The following PTPN3 variants were observed in gnomAD, a reference collection of about 807,000 sequenced individuals.
The protein encoded by PTPN3 is tyrosine-protein phosphatase non-receptor type 3.
Under a neutral mutation model 132.7 loss-of-function variants are expected in PTPN3, and 96 were observed. That is an observed-to-expected ratio of 0.72 (90% CI 0.61 to 0.86). The LOEUF (loss-of-function observed/expected upper bound fraction) is 0.86. Among genes scored for constraint, PTPN3 ranks in the 40% least tolerant of loss-of-function variants. PTPN3 has a pLI of 0.00. For missense variants in PTPN3, 1,125 were observed against 1,159.6 expected (o/e 0.97, Z 0.43); for synonymous variants, 398 against 429.0 (o/e 0.93, Z 0.89).
At chr9:109,463,769 T>A in intron 1 of PTPN3, among the ~76,000 whole-genome samples, 1 of 152,356 alleles carries the variant, frequency 6.6e-6, no homozygotes, top group South Asian at 2.1e-4. Context: ...GTATTTGTGT[T>A]CTACCTCTAA....
At chr9:109,497,843 C>T (rs1847743010) in intron 1 of PTPN3, among the ~76,000 whole-genome samples, 1 of 151,894 alleles carries the variant, frequency 6.6e-6, no homozygotes, top group South Asian at 2.1e-4. Flanking sequence ...GAGCCCCGAG[C>T]CGGGGTCGCG....
At chr9:109,380,518 A>C (rs1014414993) in intron 25 of PTPN3, among the ~76,000 whole-genome samples, 1 of 152,206 alleles carries the variant, frequency 6.6e-6, no homozygotes, top group Non-Finnish European at 1.5e-5. Flanking sequence ...AGCCTGCTGA[A>C]GTGCTGGGAT....
At chr9:109,492,849 A>C (rs1847522594) in intron 1 of PTPN3, among the ~76,000 whole-genome samples, 1 of 152,240 alleles carries the variant, frequency 6.6e-6, no homozygotes, top group Non-Finnish European at 1.5e-5. Flanking sequence ...ATCATGCAAC[A>C]ATCAGAGCTT....
Position 109,391,460 on chromosome 9 carries a change from C to A in PTPN3, c.2044+11G>T. 6.2e-7 allele frequency: 1 copy of A among 1,603,858 alleles called. No individual in the cohort carries two copies. Among genetic ancestry groups the A allele is most frequent in the East Asian group, 2.2e-5 (1 of 44,794 alleles). Reference sequence around the variant, plus strand: ...GTAGGGGGGAAGGAGGCATTCATGCCGGATACTCACAAGGCAGCACATCTT... The same window carrying A: ...GTAGGGGGGAAGGAGGCATTCATGCAGGATACTCACAAGGCAGCACATCTT... On this transcript the variant is annotated intron_variant, in intron 20 of 25. Coordinates refer to ENST00000374541, the MANE Select transcript of PTPN3 (RefSeq NM_002829.4).
rs558656963 is a variant in PTPN3 at position 109,472,016 on chromosome 9, G to C, written c.-17-8565C>G. ...ACAAGTCACCTCCCAGAGCTAAATA[G>C]AGTTTCTGTAGCTTGGCAGCTGTCC... On this transcript the variant is annotated intron_variant, in intron 1 of 25. Coordinates refer to ENST00000374541, the MANE Select transcript of PTPN3 (RefSeq NM_002829.4). Among the ~76,000 whole-genome samples, 6 of 152,328 alleles carry C rather than the reference G, an allele frequency of 3.9e-5. No individual in the cohort carries two copies. In the East Asian group the frequency reaches 1.2e-3, roughly 29 times the overall value.
intron 2 of PTPN3, among the ~76,000 whole-genome samples, chr9:109,460,486 C>T (rs1189170517): frequency 1.3e-5 from 2 of 152,126 alleles, no homozygotes; most frequent in Non-Finnish European, 2.9e-5. Flanking sequence ...TGCGATCCCC[C>T]ACCCCTTACC....
At chr9:109,491,933 C>G (rs1400186847) in intron 1 of PTPN3, among the ~76,000 whole-genome samples, 1 of 152,168 alleles carries the variant, frequency 6.6e-6, no homozygotes, top group Non-Finnish European at 1.5e-5. Context: ...AAGACTCCCC[C>G]GTCTGTGGAG....
chr9:109,450,410 A>T (rs1321160113), intron 5 of PTPN3: 1 of 984,582 alleles, frequency 1.0e-6, no homozygotes, highest in East Asian at 1.1e-4. Flanking sequence ...AGATAATCCA[A>T]TGGTGAACCC....
At chr9:109,517,221 C>T in the PTPN3 span, among the ~76,000 whole-genome samples, 1 of 152,114 alleles carries the variant, frequency 6.6e-6, no homozygotes, top group Non-Finnish European at 1.5e-5. Context: ...AAATCCCAAG[C>T]AAGGACCATT....
chr9:109,444,552 T>C (rs10979867), intron 7 of PTPN3, among the ~76,000 whole-genome samples: 51,470 of 151,994 alleles, frequency 0.34, 9,653 homozygotes, highest in African/African-American at 0.48. Context: ...AAATGTAAAA[T>C]ATCTTGCTAA....
At chr9:109,457,501 A>G in intron 2 of PTPN3, 102 bp from the exon 3 acceptor site, 1 of 838,932 alleles carries the variant, frequency 1.2e-6, no homozygotes, top group South Asian at 1.7e-5. Context: ...CAGAAATGCT[A>G]TGCACACACA....
upstream of PTPN3, among the ~76,000 whole-genome samples, chr9:109,500,945 A>G (rs547316430): frequency 6.6e-6 from 1 of 152,140 alleles, no homozygotes; most frequent in Admixed American, 6.5e-5. Flanking sequence ...AAAAAAAAAA[A>G]AAGCTAAAAA....
chr9:109,410,331 G>A lies in PTPN3; in HGVS notation c.1398C>T (p.Gly466=), dbSNP rs1165323683. Residue 466 remains glycine (G), a synonymous_variant, in exon 15 of 26, where the codon GGC becomes GGT. Transcript: ENST00000374541. ...SSVSPSSNAP[G]SCSPDGVDQQ... ...GATCAACGCCGTCAGGTGAGCAGGA[G>A]CCTGGAGCATTTGAAGATGGAGACA... 3 of 1,614,202 alleles carry A rather than the reference G, an allele frequency of 1.9e-6. No homozygotes were observed. The highest frequency in any genetic ancestry group is 1.7e-5 in the Admixed American group (1 of 60,026).
In PTPN3 at chr9:109,382,311, A is replaced by G; in HGVS notation, c.2519T>C (p.Val840Ala). Residue 840 changes from valine to alanine, a missense_variant, in exon 24 of 26, where the codon GTT (valine) becomes GCT (alanine). Val to Ala is a moderately conservative substitution (Grantham distance 64). Transcript: ENST00000374541. Reference protein sequence around the residue: ...SLRVDSEPVLVHCSAGIGRTG... With the variant: ...SLRVDSEPVLAHCSAGIGRTG... ...ACAGCAAGCGCCATACCTGCAGTGA[A>G]CTAGGACGGGCTCGCTGTCCACTCT... The G allele has an allele frequency of 6.2e-7, 1 of 1,613,968 alleles. No individual in the cohort carries two copies. The highest frequency in any genetic ancestry group is 1.1e-5 in the South Asian group (1 of 90,996).
intron 1 of PTPN3, among the ~76,000 whole-genome samples, chr9:109,467,223 A>C (rs933865335): frequency 6.6e-6 from 1 of 152,152 alleles, no homozygotes; most frequent in African/African-American, 2.4e-5. Context: ...TTAAAATGTC[A>C]ATTTTATTTT....
intron 9 of PTPN3, among the ~76,000 whole-genome samples, chr9:109,435,385 C>T (rs1423919575): frequency 6.6e-6 from 1 of 152,130 alleles, no homozygotes; most frequent in Non-Finnish European, 1.5e-5. Flanking sequence ...TGGTGTGTAA[C>T]CCTGCAGCTT....
intron 6 of PTPN3, among the ~76,000 whole-genome samples, chr9:109,445,869 A>C (rs1408037046): frequency 6.6e-6 from 1 of 152,204 alleles, no homozygotes. Flanking sequence ...TGCCCTCCTG[A>C]AGATCTACAG....
chr9:109,497,493 CTCTT>C (rs1847722034), intron 1 of PTPN3, among the ~76,000 whole-genome samples: 1 of 152,170 alleles, frequency 6.6e-6, no homozygotes, highest in African/African-American at 2.4e-5. Context: ...AAGTCACAAG[CTCTT>C]TCCACCAGCT....
At chr9:109,474,925 C>T (rs1476269251) in intron 1 of PTPN3, among the ~76,000 whole-genome samples, 1 of 152,122 alleles carries the variant, frequency 6.6e-6, no homozygotes, top group Non-Finnish European at 1.5e-5. Context: ...GGAAGGATTT[C>T]CCTAAGGTTG....
Sources: gnomAD v4.1 joint callset for allele counts (sites outside exome capture counted in the v4.1 genomes callset) on GRCh38, gnomAD v4.1.1 for gene constraint, MANE v1.5 for transcripts, NCBI Gene and HGNC (gene_info 2026-07-23, HGNC 2026-07-21) for gene names.